The following PPP1R1C variants were observed in gnomAD, a reference collection of about 807,000 sequenced individuals.
PPP1R1C encodes protein phosphatase 1 regulatory inhibitor subunit 1C.
Under a neutral mutation model 17.4 loss-of-function variants are expected in PPP1R1C, and 15 were observed. The ratio of observed to expected loss-of-function variants is 0.86; its 90% CI spans 0.58 to 1.33. The LOEUF (loss-of-function observed/expected upper bound fraction) is 1.33, where lower values mean the gene tolerates loss of function less well. Ranked by LOEUF, PPP1R1C falls within the 40% of genes most tolerant of loss-of-function variation. The pLI is 0.00. For synonymous variants in PPP1R1C, 35 were observed against 43.1 expected (o/e 0.81, Z 0.73); for missense variants, 143 against 130.0 (o/e 1.10, Z -0.48).
At chr2:182,123,893 A>G (rs1254456905) in intron 5 of PPP1R1C, among the ~76,000 whole-genome samples, 1 of 152,112 alleles carries the variant, frequency 6.6e-6, no homozygotes, top group Non-Finnish European at 1.5e-5. Flanking sequence ...TTTTGTTGCC[A>G]TTGCTTTTGG....
intron 4 of PPP1R1C, among the ~76,000 whole-genome samples, chr2:182,065,000 T>A (rs934117228): frequency 6.6e-6 from 1 of 152,138 alleles, no homozygotes; most frequent in Non-Finnish European, 1.5e-5. Flanking sequence ...ATAATACTAT[T>A]ATTTTTAAAG....
intron 2 of PPP1R1C, among the ~76,000 whole-genome samples, chr2:181,997,038 G>A (rs996799805): frequency 4.0e-5 from 6 of 151,800 alleles, no homozygotes; most frequent in African/African-American, 1.5e-4. Context: ...GACCATCCTG[G>A]CTAACATGGT....
At chr2:182,007,937 G>T (rs1685971313) in intron 2 of PPP1R1C, among the ~76,000 whole-genome samples, 1 of 152,042 alleles carries the variant, frequency 6.6e-6, no homozygotes, top group African/African-American at 2.4e-5. Context: ...GAGTGGTGGT[G>T]GGTGTCTGTA....
intron 4 of PPP1R1C, among the ~76,000 whole-genome samples, chr2:182,095,627 A>G (rs547351726): frequency 2.0e-5 from 3 of 152,296 alleles, no homozygotes; most frequent in African/African-American, 4.8e-5. Context: ...GTAGTTTTCA[A>G]TGTATAAATA....
intron 2 of PPP1R1C, among the ~76,000 whole-genome samples, chr2:182,032,440 T>C (rs1686873489): frequency 2.0e-5 from 3 of 152,208 alleles, no homozygotes; most frequent in Admixed American, 1.3e-4. Context: ...AACTTATTTA[T>C]TGTGTTTATT....
intron 2 of PPP1R1C, among the ~76,000 whole-genome samples, chr2:182,046,150 T>C (rs1687341393): frequency 6.6e-6 from 1 of 150,432 alleles, no homozygotes; most frequent in African/African-American, 2.4e-5. Flanking sequence ...CTTCCTTCCT[T>C]TCCTCCTTTA....
chr2:182,123,905 G>A (rs1002040093), intron 5 of PPP1R1C, among the ~76,000 whole-genome samples: 4 of 152,116 alleles, frequency 2.6e-5, no homozygotes, highest in Admixed American at 6.5e-5. Context: ...TGCTTTTGGT[G>A]TTTTACTCAT....
At chr2:182,098,594 A>C (rs543304228) in intron 4 of PPP1R1C, among the ~76,000 whole-genome samples, 1 of 152,294 alleles carries the variant, frequency 6.6e-6, no homozygotes, top group Admixed American at 6.5e-5. Context: ...GACAGATGTA[A>C]TCTGTCTCCC....
Position 182,066,976 on chromosome 2 carries a change from G to T in PPP1R1C, c.241+3185G>T, listed in dbSNP as rs1008574545. On this transcript the variant is annotated intron_variant, in intron 4 of 4. Transcript: ENST00000682840. ...TCTGTGTGTGTGTGTGTTTGTGTGT[G>T]TGTGTGTGTGTGTGTGTGTTTTACT... 2.5e-3 allele frequency among the ~76,000 whole-genome samples: 378 copies of T among 151,828 alleles called. 1 individual carries two copies. Among genetic ancestry groups the T allele is most frequent in the African/African-American group, 8.3e-3 (342 of 41,438 alleles).
Position 182,107,528 on chromosome 2 carries a change from T to C in PPP1R1C, c.242-9679T>C, listed in dbSNP as rs1274472603. ...CGGAACGAAAAACAAATTAACAAGG[T>C]TTTACAAGTGGTGAGACCTAGTGTT... On this transcript the variant is annotated intron_variant, in intron 4 of 4. Transcript: ENST00000682840. 3.3e-5 allele frequency among the ~76,000 whole-genome samples: 5 copies of C among 152,146 alleles called. No homozygotes were observed. The East Asian group carries it at 9.7e-4, about 29-fold the overall frequency.
chr2:181,990,337 G>T (rs996903819), intron 2 of PPP1R1C, among the ~76,000 whole-genome samples: 20 of 151,950 alleles, frequency 1.3e-4, no homozygotes, highest in Admixed American at 5.2e-4. Context: ...GTAGAGACGG[G>T]GTTTCACCGT....
chr2:182,091,689 C>T (rs1258724222), intron 4 of PPP1R1C, among the ~76,000 whole-genome samples: 1 of 152,132 alleles, frequency 6.6e-6, no homozygotes, highest in Non-Finnish European at 1.5e-5. Flanking sequence ...TCCCACCCGG[C>T]ACCATCAGCA....
chr2:182,106,128 T>C (rs1179740310), intron 4 of PPP1R1C, among the ~76,000 whole-genome samples: 1 of 152,210 alleles, frequency 6.6e-6, no homozygotes, highest in Non-Finnish European at 1.5e-5. Context: ...CTCCCTTTTT[T>C]AAGGATACAA....
chr2:181,993,289 A>G lies in PPP1R1C; in HGVS notation c.142+5390A>G, dbSNP rs191773199. Among the ~76,000 whole-genome samples, 223 of 152,266 alleles carry G rather than the reference A, an allele frequency of 1.5e-3. 1 individual carries two copies. The highest frequency in any genetic ancestry group is 5.2e-3 in the African/African-American group (216 of 41,574). On this transcript the variant is annotated intron_variant, in intron 2 of 4. Transcript: ENST00000682840. ...AAATCTCTCTTCATGGAGACCCTCT[A>G]TTTTGCAAAATGAATGATTGTGTTG... is the stretch of plus-strand genomic sequence containing the variant.
At chr2:182,127,424 G>T (rs1296040509) in intron 5 of PPP1R1C, among the ~76,000 whole-genome samples, 1 of 151,970 alleles carries the variant, frequency 6.6e-6, no homozygotes, top group Non-Finnish European at 1.5e-5. Context: ...AGCAAACAAC[G>T]GTGTAGAGAT....
At chr2:182,087,044 C>T (rs971292838) in intron 4 of PPP1R1C, among the ~76,000 whole-genome samples, 3 of 152,152 alleles carry the variant, frequency 2.0e-5, no homozygotes, top group African/African-American at 7.2e-5. Context: ...TCTCACATTT[C>T]ACATCCAAGC....
At chr2:182,074,122 A>C (rs1688222129) in intron 4 of PPP1R1C, among the ~76,000 whole-genome samples, 1 of 150,786 alleles carries the variant, frequency 6.6e-6, no homozygotes, top group African/African-American at 2.4e-5. Context: ...GCTCACTGCA[A>C]GCTCTGCCTC....
upstream of PPP1R1C, among the ~76,000 whole-genome samples, chr2:181,983,757 T>G (rs907551165): frequency 2.0e-5 from 3 of 152,222 alleles, no homozygotes; most frequent in African/African-American, 7.2e-5. Context: ...AGGTAGTTAT[T>G]ATGATAAATA....
intron 2 of PPP1R1C, among the ~76,000 whole-genome samples, chr2:182,057,713 T>C (rs1687727781): frequency 6.6e-6 from 1 of 152,172 alleles, no homozygotes; most frequent in African/African-American, 2.4e-5. Flanking sequence ...AAGCTCACTC[T>C]TGCCCTTCCT....
Sources: gnomAD v4.1 joint callset for allele counts (sites outside exome capture counted in the v4.1 genomes callset) on GRCh38, gnomAD v4.1.1 for gene constraint, MANE v1.5 for transcripts, NCBI Gene and HGNC (gene_info 2026-07-23, HGNC 2026-07-21) for gene names.